The following BAIAP2L1 variants were observed in gnomAD, a reference collection of about 807,000 sequenced individuals.
BAIAP2L1 encodes the protein BAR/IMD domain containing adaptor protein 2 like 1.
A neutral mutation model predicts 66.3 loss-of-function variants in BAIAP2L1; 35 were observed. That is an observed-to-expected ratio of 0.53 (90% CI 0.40 to 0.70). The LOEUF (loss-of-function observed/expected upper bound fraction) is 0.70, where lower values mean the gene tolerates loss of function less well. Ranked by LOEUF, BAIAP2L1 falls within the 30% of genes least tolerant of loss-of-function variation. The pLI is 0.00. For synonymous variants in BAIAP2L1, 269 were observed against 248.7 expected (o/e 1.08, Z -0.77); for missense variants, 622 against 656.9 (o/e 0.95, Z 0.58).
At chr7:98,343,521 C>G (rs1169464950) in intron 3 of BAIAP2L1, among the ~76,000 whole-genome samples, 1 of 152,132 alleles carries the variant, frequency 6.6e-6, no homozygotes, top group Non-Finnish European at 1.5e-5. Context: ...GACTACTGAT[C>G]TCTGGATTTG....
Position 98,310,506 on chromosome 7 carries a change from G to A in BAIAP2L1, c.894C>T (p.Ile298=), listed in dbSNP as rs528132030. The part of the protein sequence containing the change: ...PSGRAYTSPL[I]DMFNNPATAA... ...CCGTGGCTGGGTTATTAAACATATC[G>A]ATCAAGGGACTGGTATATGCTCTGC... Residue 298 remains isoleucine (I), a synonymous_variant, in exon 9 of 14, where the codon ATC becomes ATT. Transcript: ENST00000005260. 1,907 of 1,606,720 alleles carry A rather than the reference G, an allele frequency of 1.2e-3. 29 individuals are homozygous for A. In the South Asian group the frequency reaches 0.021, roughly 17 times the overall value.
rs11973247 is a variant in BAIAP2L1 at position 98,293,901 on chromosome 7, G to A, written c.1460+173C>T. 9.1e-3 allele frequency among the ~76,000 whole-genome samples: 1,382 copies of A among 152,316 alleles called. 22 individuals are homozygous for A. Among genetic ancestry groups the A allele is most frequent in the African/African-American group, 0.031 (1,309 of 41,586 alleles). ...GGGGTGGGGAAGCCCTGCTCCCAGC[G>A]TGGTCTAAAGTAGTTGGTAAAGCGA... On this transcript the variant is annotated intron_variant, in intron 13 of 13. Coordinates refer to ENST00000005260, the MANE Select transcript of BAIAP2L1 (RefSeq NM_018842.5).
At chr7:98,387,703 G>GAA (rs3062634) in intron 1 of BAIAP2L1, among the ~76,000 whole-genome samples, 10 of 145,444 alleles carry the variant, frequency 6.9e-5, no homozygotes, top group South Asian at 2.2e-4. Flanking sequence ...GTCTCTACAA[G>GAA]AAAAAAAAAA....
chr7:98,395,023 A>C (rs961379218), intron 1 of BAIAP2L1, among the ~76,000 whole-genome samples: 4 of 152,108 alleles, frequency 2.6e-5, no homozygotes, highest in African/African-American at 9.7e-5. Context: ...AGACAGGAGA[A>C]TCGCTTGAAC....
At chr7:98,332,240 GGGT>G (rs1322985296) in intron 3 of BAIAP2L1, among the ~76,000 whole-genome samples, 2 of 151,072 alleles carry the variant, frequency 1.3e-5, no homozygotes, top group African/African-American at 4.9e-5. Context: ...AAAATTAGCC[GGGT>G]GTGGTGGCGC....
intron 1 of BAIAP2L1, among the ~76,000 whole-genome samples, chr7:98,394,110 G>A (rs1268389165): frequency 6.6e-6 from 1 of 152,030 alleles, no homozygotes; most frequent in African/African-American, 2.4e-5. Flanking sequence ...GGGCGTGGTG[G>A]CAGGCGCCTG....
intron 3 of BAIAP2L1, among the ~76,000 whole-genome samples, chr7:98,322,214 G>A (rs1330796664): frequency 2.6e-5 from 4 of 152,058 alleles, no homozygotes; most frequent in Non-Finnish European, 4.4e-5. Context: ...CTATGGCCTC[G>A]GCTATGATCA....
intron 10 of BAIAP2L1, chr7:98,307,351 C>A: frequency 1.8e-6 from 2 of 1,096,700 alleles, no homozygotes; most frequent in Non-Finnish European, 2.3e-6. Flanking sequence ...GGTGATCTGC[C>A]CGCCTTAGCC....
intron 1 of BAIAP2L1, among the ~76,000 whole-genome samples, chr7:98,375,121 C>T (rs1481544575): frequency 4.6e-5 from 7 of 151,464 alleles, no homozygotes; most frequent in South Asian, 2.1e-4. Context: ...AAAGGCCAGG[C>T]GTGGTGGCTC....
At chr7:98,329,602 G>A (rs1801448378) in intron 3 of BAIAP2L1, among the ~76,000 whole-genome samples, 1 of 151,992 alleles carries the variant, frequency 6.6e-6, no homozygotes, top group African/African-American at 2.4e-5. Context: ...TTCTCTGTAC[G>A]GAAGGCCGGG....
At chr7:98,300,988 A>G (rs73147343) in intron 12 of BAIAP2L1, among the ~76,000 whole-genome samples, 11,478 of 152,100 alleles carry the variant, frequency 0.075, 618 homozygotes, top group Non-Finnish European at 0.12. Context: ...CCATGCATCG[A>G]GCGCTCCCTG....
At chr7:98,340,893 A>T (rs920591338) in intron 3 of BAIAP2L1, among the ~76,000 whole-genome samples, 7 of 147,112 alleles carry the variant, frequency 4.8e-5, no homozygotes, top group African/African-American at 1.8e-4. Flanking sequence ...GGTTCAAGCG[A>T]TTCTCCTGCC....
intron 3 of BAIAP2L1, among the ~76,000 whole-genome samples, chr7:98,352,957 T>G (rs1352921122): frequency 6.6e-6 from 1 of 152,148 alleles, no homozygotes; most frequent in Non-Finnish European, 1.5e-5. Context: ...ATGACACCAA[T>G]AGGATGTTTC....
At position 98,307,733 on chromosome 7, in the gene BAIAP2L1, C is replaced by T; in HGVS notation, c.1119G>A (p.Glu373=). ...CTCCATAGAGCCAGCCATCCTTCTC[C>T]TCGGGGATGAGCAGCGTGATGACAT... is the stretch of plus-strand genomic sequence containing the variant. ...QGDVITLLIP[E]EKDGWLYGEH... The change falls in exon 10 of 14, where the codon GAG becomes GAA. Residue 373 remains glutamate, a synonymous_variant. Coordinates refer to ENST00000005260, the MANE Select transcript of BAIAP2L1 (RefSeq NM_018842.5). The T allele has an allele frequency of 6.2e-7, 1 of 1,614,254 alleles. No individual in the cohort carries two copies. The highest frequency in any genetic ancestry group is 1.1e-5 in the South Asian group (1 of 91,088).
intron 2 of BAIAP2L1, among the ~76,000 whole-genome samples, chr7:98,357,581 AAG>A (rs1491419430): frequency 6.7e-6 from 1 of 149,742 alleles, no homozygotes; most frequent in African/African-American, 2.4e-5. Context: ...AAAAAAAAAA[AAG>A]TACATATATA....
intron 1 of BAIAP2L1, among the ~76,000 whole-genome samples, chr7:98,396,445 C>T (rs1228856959): frequency 6.6e-6 from 1 of 152,118 alleles, no homozygotes; most frequent in African/African-American, 2.4e-5. Flanking sequence ...TCCAGTGACA[C>T]CTTAGATCGC....
intron 9 of BAIAP2L1, chr7:98,308,680 G>GTA (rs904679267): frequency 8.9e-6 from 2 of 224,152 alleles, no homozygotes; most frequent in African/African-American, 4.5e-5. Context: ...ATATATATAT[G>GTA]TATGTATATA....
intron 1 of BAIAP2L1, among the ~76,000 whole-genome samples, chr7:98,396,869 CTA>C (rs2115866984): frequency 6.6e-6 from 1 of 152,328 alleles, no homozygotes; most frequent in African/African-American, 2.4e-5. Flanking sequence ...ATTAAGCACT[CTA>C]TGAAAAGTAT....
At chr7:98,390,391 C>T (rs1048629995) in intron 1 of BAIAP2L1, among the ~76,000 whole-genome samples, 1 of 151,836 alleles carries the variant, frequency 6.6e-6, no homozygotes, top group Non-Finnish European at 1.5e-5. Context: ...ATATATTTAT[C>T]TGCTTTACAT....
Sources: allele counts gnomAD v4.1 joint callset (sites outside exome capture counted in the v4.1 genomes callset), GRCh38; gene constraint gnomAD v4.1.1; transcripts MANE v1.5; gene names NCBI Gene and HGNC (gene_info 2026-07-23, HGNC 2026-07-21).